The following ULK4 variants were observed in gnomAD, a reference collection of about 807,000 sequenced individuals.
The protein encoded by ULK4 is unc-51 like kinase 4.
ULK4 carries 133 observed loss-of-function variants against 160.6 expected under a neutral mutation model. That is an observed-to-expected ratio of 0.83 (90% CI 0.72 to 0.96). The LOEUF is 0.96. ULK4 is among the 40% of genes least tolerant of loss of function. ULK4 has a pLI of 0.00. For missense variants in ULK4, 1,580 were observed against 1,499.5 expected, an observed-to-expected ratio of 1.05 and a Z score of -0.89; for synonymous variants, 534 against 539.8, an observed-to-expected ratio of 0.99 and a Z score of 0.15.
intron 3 of ULK4, among the ~76,000 whole-genome samples, chr3:41,936,922 G>A (rs1237194807): frequency 2.0e-5 from 3 of 152,180 alleles, no homozygotes; most frequent in Non-Finnish European, 4.4e-5. Context: ...TAATTGGATT[G>A]TAACACAAAG....
intron 35 of ULK4, among the ~76,000 whole-genome samples, chr3:41,392,293 T>G (rs948256760): frequency 6.6e-6 from 1 of 152,148 alleles, no homozygotes; most frequent in Non-Finnish European, 1.5e-5. Flanking sequence ...CTCTGGATGT[T>G]CTAAATACAG....
chr3:41,650,391 G>C (rs1238349488), intron 30 of ULK4, among the ~76,000 whole-genome samples: 1 of 152,206 alleles, frequency 6.6e-6, no homozygotes, highest in African/African-American at 2.4e-5. Context: ...GGGGCTTCCT[G>C]AGCCAGGGCT....
intron 32 of ULK4, among the ~76,000 whole-genome samples, chr3:41,498,576 C>CTTTTTTTTTTTTTTTTCT (rs56321420): frequency 6.9e-6 from 1 of 144,174 alleles, no homozygotes; most frequent in African/African-American, 2.6e-5. Flanking sequence ...TCTTTTTTTT[C>CTTTTTTTTTTTTTTTTCT]TTTTTTTTTT....
chr3:41,919,345 T>C (rs1022263825), intron 6 of ULK4, among the ~76,000 whole-genome samples: 4 of 152,194 alleles, frequency 2.6e-5, no homozygotes, highest in African/African-American at 9.6e-5. Context: ...CTCATGCCTA[T>C]AATCCCAGAG....
chr3:41,674,408 T>C (rs767168355), intron 29 of ULK4, among the ~76,000 whole-genome samples: 1 of 152,236 alleles, frequency 6.6e-6, no homozygotes, highest in Non-Finnish European at 1.5e-5. Context: ...CTCTTCTGCA[T>C]AAACCTTTAA....
At position 41,954,756 on chromosome 3, in the gene ULK4, C is replaced by T. The variant is rs760429324; in HGVS notation, c.4G>A (p.Glu2Lys). Residue 2 changes from glutamate to lysine, a missense_variant, in exon 2 of 37, where the codon GAA becomes AAA. Glu to Lys is a moderately conservative substitution (Grantham distance 56, BLOSUM62 1). Coordinates refer to ENST00000301831, the MANE Select transcript of ULK4 (RefSeq NM_017886.4). The part of the protein sequence containing the change: M[E>K]NFILYEEIGR... ...ATCTCCTCATACAGAATAAAGTTTT[C>T]CATCTCTGGGCCGACTTCTCACATA... 6.2e-7 allele frequency: 1 copy of T among 1,611,186 alleles called. No homozygotes were observed. Among genetic ancestry groups the T allele is most frequent in the South Asian group, 1.1e-5 (1 of 90,362 alleles).
chr3:41,474,500 A>G (rs1262127500), intron 32 of ULK4, among the ~76,000 whole-genome samples: 1 of 146,202 alleles, frequency 6.8e-6, no homozygotes, highest in African/African-American at 2.8e-5. Flanking sequence ...AAAAGCAAAA[A>G]CAGACAGATA....
chr3:41,941,193 C>T (rs572100769), intron 2 of ULK4, among the ~76,000 whole-genome samples: 1 of 151,866 alleles, frequency 6.6e-6, no homozygotes, highest in African/African-American at 2.4e-5. Context: ...TGCACCACTA[C>T]ATTCGGCTGA....
intron 27 of ULK4, among the ~76,000 whole-genome samples, chr3:41,686,138 A>G (rs2036094264): frequency 6.6e-6 from 1 of 152,168 alleles, no homozygotes. Flanking sequence ...ACAACCAACC[A>G]TACAACAAAG....
intron 20 of ULK4, among the ~76,000 whole-genome samples, chr3:41,794,660 C>CAAA (rs71075484): frequency 0.012 from 224 of 18,982 alleles, 39 homozygotes; most frequent in African/African-American, 0.037. Flanking sequence ...GACTCTGTCT[C>CAAA]AAAAAAAAAA....
chr3:41,266,163 A>G (rs1220571221), intron 35 of ULK4, among the ~76,000 whole-genome samples: 1 of 152,190 alleles, frequency 6.6e-6, no homozygotes, highest in Admixed American at 6.5e-5. Context: ...CAACCTCCTC[A>G]GGCCTCTGCT....
intron 32 of ULK4, among the ~76,000 whole-genome samples, chr3:41,506,129 C>G (rs1483459307): frequency 6.6e-6 from 1 of 152,098 alleles, no homozygotes; most frequent in African/African-American, 2.4e-5. Flanking sequence ...ATGTAATCAT[C>G]TTAAATAGAT....
chr3:41,566,484 A>G (rs2087787733), intron 31 of ULK4, among the ~76,000 whole-genome samples: 1 of 152,206 alleles, frequency 6.6e-6, no homozygotes, highest in Non-Finnish European at 1.5e-5. Flanking sequence ...ACAAAAGAAA[A>G]CTACTTCAAG....
chr3:41,392,472 T>C (rs138354296), intron 35 of ULK4, among the ~76,000 whole-genome samples: 5 of 152,168 alleles, frequency 3.3e-5, no homozygotes, highest in South Asian at 2.1e-4. Context: ...CTGTGATTCA[T>C]AGGGAGGGAT....
At chr3:41,814,565 G>A (rs1343431631) in intron 19 of ULK4, among the ~76,000 whole-genome samples, 1 of 152,048 alleles carries the variant, frequency 6.6e-6, no homozygotes, top group African/African-American at 2.4e-5. Flanking sequence ...GATTGTTTTT[G>A]TCTGTTTTAT....
At chr3:41,338,851 G>T (rs1158795671) in intron 35 of ULK4, among the ~76,000 whole-genome samples, 1 of 151,790 alleles carries the variant, frequency 6.6e-6, no homozygotes, top group African/African-American at 2.4e-5. Flanking sequence ...AATGCCAAGG[G>T]CAGAAGATCA....
intron 2 of ULK4, among the ~76,000 whole-genome samples, chr3:41,938,826 T>C (rs1023676620): frequency 1.3e-5 from 2 of 152,226 alleles, no homozygotes; most frequent in Non-Finnish European, 2.9e-5. Flanking sequence ...GTGAAACTGC[T>C]GGCGTTTTTT....
chr3:41,904,985 T>C (rs1024099428), intron 12 of ULK4, among the ~76,000 whole-genome samples: 6 of 152,200 alleles, frequency 3.9e-5, no homozygotes, highest in East Asian at 1.9e-4. Context: ...TTGAAGAAAC[T>C]GACAAGCTGA....
chr3:41,455,379 T>G, intron 34 of ULK4, 118 bp downstream of exon 34: 1 of 900,578 alleles, frequency 1.1e-6, no homozygotes, highest in Non-Finnish European at 1.6e-6. Context: ...CTGAAAGTTC[T>G]TTTGGCTCTA....
Sources: allele counts gnomAD v4.1 joint callset (sites outside exome capture counted in the v4.1 genomes callset), GRCh38; gene constraint gnomAD v4.1.1; transcripts MANE v1.5; gene names NCBI Gene and HGNC (gene_info 2026-07-23, HGNC 2026-07-21).